Variants in CAST observed in about 807,000 individuals in gnomAD.
The protein encoded by CAST is calpastatin.
A neutral mutation model predicts 119.6 loss-of-function variants in CAST; 76 were observed. The observed-to-expected ratio is 0.64, with a 90% CI of 0.53 to 0.77. The LOEUF is 0.77. CAST is among the 30% of genes least tolerant of loss of function. The probability of loss-of-function intolerance (pLI) is 0.00; values close to 1 mark genes in which losing one functional copy is unlikely to be tolerated. For synonymous variants in CAST, 319 were observed against 331.6 expected, an observed-to-expected ratio of 0.96 and a Z score of 0.41; for missense variants, 953 against 946.5, an observed-to-expected ratio of 1.01 and a Z score of -0.09.
At chr5:96,216,810 A>G in the CAST span, among the ~76,000 whole-genome samples, 1 of 152,180 alleles carries the variant, frequency 6.6e-6, no homozygotes, top group Non-Finnish European at 1.5e-5. Flanking sequence ...ATGTTTGCCA[A>G]GTACCTAAGT....
At chr5:96,196,014 G>A in the CAST span, among the ~76,000 whole-genome samples, 1 of 152,168 alleles carries the variant, frequency 6.6e-6, no homozygotes, top group Non-Finnish European at 1.5e-5. Context: ...CAGAATGGAA[G>A]CATAGCTCCA....
chr5:96,572,336 G>A (rs1292114388), intron 1 of CAST, among the ~76,000 whole-genome samples: 2 of 152,126 alleles, frequency 1.3e-5, no homozygotes, highest in African/African-American at 4.8e-5. Flanking sequence ...GAGTAGCTGG[G>A]ATTACAGGCA....
chr5:96,529,861 C>T (rs1412968503), exon 1 of CAST: 3 of 435,188 alleles, frequency 6.9e-6, no homozygotes, highest in East Asian at 1.6e-4. Context: ...TTCCTGAGGC[C>T]TTCCCAGCCA....
intron 20 of CAST, among the ~76,000 whole-genome samples, chr5:96,752,144 AATTT>A (rs1765197586): frequency 1.3e-5 from 2 of 152,194 alleles, no homozygotes; most frequent in Admixed American, 6.5e-5. Flanking sequence ...TATAAAAGAA[AATTT>A]ATTAAGGAAA....
At chr5:96,443,707 G>T in the CAST span, among the ~76,000 whole-genome samples, 1 of 152,152 alleles carries the variant, frequency 6.6e-6, no homozygotes, top group Admixed American at 6.5e-5. Context: ...TGTGGCATGG[G>T]TCACACCAGG....
the CAST span, among the ~76,000 whole-genome samples, chr5:96,152,981 A>G: frequency 6.6e-6 from 1 of 152,242 alleles, no homozygotes. Flanking sequence ...TTAAATTTTA[A>G]AAAATTGAAT....
At chr5:96,277,435 T>C in the CAST span, among the ~76,000 whole-genome samples, 1 of 152,198 alleles carries the variant, frequency 6.6e-6, no homozygotes, top group African/African-American at 2.4e-5. Flanking sequence ...CACTAGTCAG[T>C]TTGCCTATCT....
the CAST span, among the ~76,000 whole-genome samples, chr5:96,454,553 T>C: frequency 6.6e-6 from 1 of 152,212 alleles, no homozygotes; most frequent in South Asian, 2.1e-4. Flanking sequence ...TGGTGCAGTC[T>C]TCGCCATACA....
At chr5:96,497,291 T>C in the CAST span, among the ~76,000 whole-genome samples, 1 of 152,162 alleles carries the variant, frequency 6.6e-6, no homozygotes, top group Non-Finnish European at 1.5e-5. Context: ...TCCAAGTCTT[T>C]GCTATTGTGA....
At chr5:96,722,334 A>G (rs1284962579) in intron 3 of CAST, among the ~76,000 whole-genome samples, 3 of 152,242 alleles carry the variant, frequency 2.0e-5, no homozygotes, top group African/African-American at 4.8e-5. Context: ...AGTAATTCTA[A>G]TAATAAACTT....
chr5:96,765,168 C>G, intron 25 of CAST, 53 bp from the exon 26 acceptor site: 1 of 1,040,318 alleles, frequency 9.6e-7, no homozygotes, highest in South Asian at 1.3e-5. Context: ...GCTAATTTGC[C>G]TCTGATACAG....
chr5:96,302,162 C>A, the CAST span, among the ~76,000 whole-genome samples: 1 of 152,150 alleles, frequency 6.6e-6, no homozygotes, highest in Non-Finnish European at 1.5e-5. Flanking sequence ...CAGCTTGCAC[C>A]CTCTGGAGCA....
chr5:96,406,342 G>A, the CAST span, among the ~76,000 whole-genome samples: 2 of 152,154 alleles, frequency 1.3e-5, no homozygotes, highest in African/African-American at 4.8e-5. Context: ...GTCTCAGCTT[G>A]TGTTCATAGA....
At chr5:96,707,171 G>A (rs545525183) in intron 3 of CAST, among the ~76,000 whole-genome samples, 1 of 152,224 alleles carries the variant, frequency 6.6e-6, no homozygotes, top group South Asian at 2.1e-4. Flanking sequence ...GCTAGAGGAG[G>A]AAAACTTCAC....
intron 25 of CAST, chr5:96,762,854 A>C (rs1768479349): frequency 5.5e-6 from 2 of 364,544 alleles, no homozygotes; most frequent in Non-Finnish European, 1.0e-5. Flanking sequence ...CCCAATTCAC[A>C]CCAGTAAAAA....
the CAST span, among the ~76,000 whole-genome samples, chr5:96,299,529 C>T: frequency 2.0e-5 from 3 of 152,198 alleles, no homozygotes; most frequent in Non-Finnish European, 4.4e-5. Context: ...CCCCTGCTCC[C>T]ATGCTCCTGT....
chr5:96,069,750 C>G, the CAST span, among the ~76,000 whole-genome samples: 9 of 147,944 alleles, frequency 6.1e-5, no homozygotes, highest in African/African-American at 2.2e-4. Flanking sequence ...ATCCTCCTGC[C>G]TTCACTTCCC....
chr5:96,468,719 G>A, the CAST span, among the ~76,000 whole-genome samples: 490 of 152,164 alleles, frequency 3.2e-3, 5 homozygotes, highest in African/African-American at 0.011. Context: ...AAGAAAATTA[G>A]GAGTGAGAAT....
chr5:96,086,113 T>C, the CAST span, among the ~76,000 whole-genome samples: 8 of 152,204 alleles, frequency 5.3e-5, no homozygotes, highest in Non-Finnish European at 1.0e-4. Context: ...AGATTGCTTA[T>C]AATATCTAAT....
Sources: gnomAD v4.1 joint callset for allele counts (sites outside exome capture counted in the v4.1 genomes callset) on GRCh38, gnomAD v4.1.1 for gene constraint, MANE v1.5 for transcripts, NCBI Gene and HGNC (gene_info 2026-07-23, HGNC 2026-07-21) for gene names.